The following XPO7 variants were observed in gnomAD, a reference collection of about 807,000 sequenced individuals.
The protein encoded by XPO7 is exportin 7.
A neutral mutation model predicts 144.3 loss-of-function variants in XPO7; 21 were observed. The ratio of observed to expected loss-of-function variants is 0.15; its 90% confidence interval spans 0.10 to 0.21. The LOEUF (loss-of-function observed/expected upper bound fraction) is 0.21. Ranked by LOEUF, XPO7 falls within the 10% of genes least tolerant of loss-of-function variation. The pLI, the probability that XPO7 is intolerant of heterozygous loss-of-function variation, is 1.00. For missense variants in XPO7, 808 were observed against 1,325.8 expected, an observed-to-expected ratio of 0.61 and a Z score of 6.06; for synonymous variants, 580 against 499.6, an observed-to-expected ratio of 1.16 and a Z score of -2.15.
At chr8:21,987,333 G>A (rs1017779732) in intron 14 of XPO7, 57 bp downstream of exon 14, 113 of 1,606,946 alleles carry the variant, frequency 7.0e-5, no homozygotes, top group Non-Finnish European at 8.9e-5. Context: ...TGGGATTGCT[G>A]ATGGAGGGAA....
Position 21,976,373 on chromosome 8 carries a change from A to G in XPO7, c.615A>G (p.Leu205=). 1 of 1,613,838 alleles carries G rather than the reference A, an allele frequency of 6.2e-7. No homozygotes were observed. ...TTTTACAGGCTTCAGGAAAGAATCT[A>G]AACTTGAATGATGAAAGTCAGCATG... ...NLLKQASGKN[L]NLNDESQHGL... The change falls in exon 7 of 28, where the codon CTA becomes CTG. Residue 205 remains leucine, a synonymous_variant. Transcript: ENST00000252512.
intron 3 of XPO7, 166 bp from the exon 4 acceptor site, chr8:21,969,978 T>C (rs1162909556): frequency 3.4e-5 from 27 of 788,888 alleles, no homozygotes; most frequent in African/African-American, 5.2e-5. Flanking sequence ...TAATCTTAAA[T>C]TTAAAGTCCC....
intron 1 of XPO7, among the ~76,000 whole-genome samples, chr8:21,926,968 C>T (rs1029504479): frequency 4.6e-5 from 7 of 152,174 alleles, no homozygotes; most frequent in Non-Finnish European, 1.0e-4. Context: ...AAAATGTGAC[C>T]TTGTTTTCCT....
At chr8:21,947,467 A>T (rs901890464) in intron 1 of XPO7, among the ~76,000 whole-genome samples, 1 of 152,208 alleles carries the variant, frequency 6.6e-6, no homozygotes, top group East Asian at 1.9e-4. Flanking sequence ...ATGAAAAGCC[A>T]GTTTGCGTGA....
Position 21,966,954 on chromosome 8 carries a change from A to C in XPO7, c.116A>C (p.Asn39Thr), listed in dbSNP as rs547315382. The change falls in exon 2 of 28, where the codon AAC becomes ACC. Residue 39 changes from asparagine (N) to threonine (T), a missense_variant. By Grantham distance (65) the Asn-to-Thr change is moderately conservative. Coordinates refer to ENST00000252512, the MANE Select transcript of XPO7 (RefSeq NM_015024.5). Reference protein sequence around the residue: ...QAEKALVEFTNSPDCLSKCQL... With the variant: ...QAEKALVEFTTSPDCLSKCQL... ...GAGAAAGCCTTGGTTGAATTTACCAACAGCCCTGATTGCCTGAGCAAGTGC... is the reference window on the plus strand; with the variant it reads ...GAGAAAGCCTTGGTTGAATTTACCACCAGCCCTGATTGCCTGAGCAAGTGC... 1 of 1,614,052 alleles carries C rather than the reference A, an allele frequency of 6.2e-7. No individual in the cohort carries two copies. Among genetic ancestry groups the C allele is most frequent in the Non-Finnish European group, 8.5e-7 (1 of 1,179,898 alleles).
At chr8:21,946,373 T>C (rs1243087293) in intron 1 of XPO7, among the ~76,000 whole-genome samples, 3 of 151,860 alleles carry the variant, frequency 2.0e-5, no homozygotes, top group Non-Finnish European at 2.9e-5. Flanking sequence ...AAGTTTAAAA[T>C]ATAACAGGTG....
At chr8:21,992,172 C>T (rs1041147392) in intron 19 of XPO7, among the ~76,000 whole-genome samples, 198 bp downstream of exon 19, 1 of 151,868 alleles carries the variant, frequency 6.6e-6, no homozygotes, top group Non-Finnish European at 1.5e-5. Flanking sequence ...TTAAGTAGTT[C>T]TTAGGATTTT....
At position 21,998,893 on chromosome 8, in the gene XPO7, C is replaced by T. The variant is rs1813042348; in HGVS notation, c.2428+56C>T. 5.1e-6 allele frequency: 8 copies of T among 1,580,546 alleles called. No individual in the cohort carries two copies. In the South Asian group the frequency reaches 7.8e-5, roughly 15 times the overall value. ...AGTTAATTCCAGCTCAGTCACCACA[C>T]TGTAAGCAGCATGTGGGTCTCTGGC... On this transcript the variant is annotated intron_variant, in intron 22 of 27. Coordinates refer to ENST00000252512, the MANE Select transcript of XPO7 (RefSeq NM_015024.5).
chr8:21,974,902 T>C, intron 6 of XPO7, 128 bp downstream of exon 6: 1 of 730,720 alleles, frequency 1.4e-6, no homozygotes, highest in South Asian at 2.1e-5. Flanking sequence ...CATCATCTCT[T>C]ATATAAGACT....
Position 21,919,759 on chromosome 8 carries a change from G to A in XPO7, c.-12G>A. Reference sequence around the variant, plus strand: ...GGGAGGGGGGGCCGGAGAGGAGCATGAATGGAGCAAAATGGCGGATCATGT... The same window carrying A: ...GGGAGGGGGGGCCGGAGAGGAGCATAAATGGAGCAAAATGGCGGATCATGT... On this transcript the variant is annotated 5_prime_UTR_variant, in exon 1 of 28. An upstream start codon of the reference 5' UTR is lost. Coordinates refer to ENST00000252512, the MANE Select transcript of XPO7 (RefSeq NM_015024.5). 1.8e-6 allele frequency: 1 copy of A among 567,314 alleles called. No homozygotes were observed. The highest frequency in any genetic ancestry group is 7.2e-4 in the Middle Eastern group (1 of 1,382). 35.1% of individuals were successfully genotyped at this position (567,314 alleles called of 1,614,324 possible).
chr8:22,002,824 A>C (rs1813197720), intron 25 of XPO7, among the ~76,000 whole-genome samples: 1 of 152,234 alleles, frequency 6.6e-6, no homozygotes, highest in South Asian at 2.1e-4. Context: ...TTCTCTAAAG[A>C]AGCAGTGAAA....
chr8:21,979,707 G>A (rs1047749056), intron 8 of XPO7, among the ~76,000 whole-genome samples: 3 of 152,012 alleles, frequency 2.0e-5, no homozygotes, highest in Admixed American at 6.6e-5. Context: ...ACACCCGGCC[G>A]ATACGCTTAT....
chr8:21,951,930 A>G (rs1476796553), intron 1 of XPO7, among the ~76,000 whole-genome samples: 8 of 152,222 alleles, frequency 5.3e-5, no homozygotes, highest in Non-Finnish European at 8.8e-5. Context: ...CAGTTAATCA[A>G]GATAGGAGGG....
intron 11 of XPO7, 104 bp from the exon 12 acceptor site, chr8:21,984,542 C>T: frequency 1.9e-6 from 2 of 1,073,780 alleles, no homozygotes; most frequent in Non-Finnish European, 2.6e-6. Context: ...TAGACCTCTA[C>T]AGTCAGAAAT....
Position 22,006,224 on chromosome 8 carries a change from A to G in XPO7, c.*1136A>G, listed in dbSNP as rs553384437. Reference sequence around the variant, plus strand: ...TTTAACATTCTCCCATCCCTTAAAAAATATACATTTTTATAAAATGAAAAC... The same window carrying G: ...TTTAACATTCTCCCATCCCTTAAAAGATATACATTTTTATAAAATGAAAAC... On this transcript the variant is annotated 3_prime_UTR_variant, in exon 28 of 28. Transcript: ENST00000252512. 15 of 152,332 alleles carry G rather than the reference A, an allele frequency of 9.8e-5. No homozygotes were observed. Among genetic ancestry groups the G allele is most frequent in the African/African-American group, 2.9e-4 (12 of 41,564 alleles). The allele number at this position is 152,332 out of a possible 1,614,324, so 9.4% of individuals were successfully genotyped here.
chr8:21,947,109 T>C (rs373985335), intron 1 of XPO7, among the ~76,000 whole-genome samples: 1 of 152,170 alleles, frequency 6.6e-6, no homozygotes, highest in Admixed American at 6.5e-5. Flanking sequence ...ACCAAAGAAA[T>C]TGGTAAGCAT....
chr8:21,981,707 A>T, intron 9 of XPO7, 24 bp from the exon 10 acceptor site: 1 of 1,612,014 alleles, frequency 6.2e-7, no homozygotes, highest in Non-Finnish European at 8.5e-7. Context: ...TTTACATTTT[A>T]TTTTTCTCCT....
chr8:21,997,530 C>G (rs1433554382), intron 21 of XPO7, among the ~76,000 whole-genome samples: 1 of 152,174 alleles, frequency 6.6e-6, no homozygotes, highest in Non-Finnish European at 1.5e-5. Context: ...TGAGATAGGA[C>G]AGGCTTGCTG....
At chr8:21,937,707 A>T (rs1810865595) in intron 1 of XPO7, among the ~76,000 whole-genome samples, 1 of 152,230 alleles carries the variant, frequency 6.6e-6, no homozygotes, top group Non-Finnish European at 1.5e-5. Context: ...AGCAGAAATT[A>T]AAGTACCCTG....
Sources: gnomAD v4.1 joint callset for allele counts (sites outside exome capture counted in the v4.1 genomes callset) on GRCh38, gnomAD v4.1.1 for gene constraint, MANE v1.5 for transcripts, NCBI Gene and HGNC (gene_info 2026-07-23, HGNC 2026-07-21) for gene names.